Variants in RIPOR2 observed in about 807,000 individuals in gnomAD.
The protein encoded by RIPOR2 is RHO family interacting cell polarization regulator 2.
In RIPOR2, 39 loss-of-function variants were observed where a neutral mutation model predicts 114.5. That is an observed-to-expected ratio of 0.34 (90% CI 0.26 to 0.44). The LOEUF is 0.44. Ranked by LOEUF, RIPOR2 falls within the 20% of genes least tolerant of loss-of-function variation. The pLI, the probability that RIPOR2 is intolerant of heterozygous loss-of-function variation, is 1.00. For missense variants in RIPOR2, 1,007 were observed against 1,255.1 expected, an observed-to-expected ratio of 0.80 and a Z score of 2.99; for synonymous variants, 445 against 484.4, an observed-to-expected ratio of 0.92 and a Z score of 1.07.
At chr6:24,948,915 A>G (rs1211448592) in intron 1 of RIPOR2, among the ~76,000 whole-genome samples, 2 of 152,156 alleles carry the variant, frequency 1.3e-5, no homozygotes, top group Non-Finnish European at 2.9e-5. Flanking sequence ...CAATGGGTCA[A>G]GCTTCTGAGG....
intron 1 of RIPOR2, among the ~76,000 whole-genome samples, chr6:24,926,788 A>G (rs940537782): frequency 7.9e-5 from 12 of 152,080 alleles, no homozygotes; most frequent in Non-Finnish European, 1.3e-4. Flanking sequence ...ATCATACATT[A>G]TCTCCCTTTA....
intron 16 of RIPOR2, 135 bp downstream of exon 16, chr6:24,832,121 G>C (rs1299482531): frequency 2.3e-6 from 2 of 861,848 alleles, no homozygotes; most frequent in Non-Finnish European, 3.4e-6. Flanking sequence ...CAATTTGTTT[G>C]GAGACCTTTC....
intron 1 of RIPOR2, among the ~76,000 whole-genome samples, chr6:24,943,397 C>T (rs1051815424): frequency 6.6e-5 from 10 of 152,140 alleles, no homozygotes; most frequent in African/African-American, 1.4e-4. Flanking sequence ...TGTTAAATGA[C>T]GAGTTATTGG....
At chr6:24,968,362 G>GA (rs1420769493) in intron 1 of RIPOR2, among the ~76,000 whole-genome samples, 1 of 152,128 alleles carries the variant, frequency 6.6e-6, no homozygotes, top group Non-Finnish European at 1.5e-5. Context: ...TCCACTTCTG[G>GA]AAGCACCTTT....
At chr6:25,029,571 G>A (rs184394495) in intron 1 of RIPOR2, among the ~76,000 whole-genome samples, 17 of 152,154 alleles carry the variant, frequency 1.1e-4, no homozygotes, top group Admixed American at 9.8e-4. Flanking sequence ...GCAGGGGCAA[G>A]ACCAGGAAGC....
intron 1 of RIPOR2, among the ~76,000 whole-genome samples, chr6:24,922,122 C>G (rs547738821): frequency 1.3e-5 from 2 of 152,010 alleles, no homozygotes; most frequent in South Asian, 2.1e-4. Flanking sequence ...TGAGCCACCA[C>G]GCCTGGCTGA....
intron 1 of RIPOR2, chr6:24,877,328 A>T: frequency 1.0e-6 from 1 of 985,304 alleles, no homozygotes; most frequent in Non-Finnish European, 1.2e-6. Context: ...AGGAGAGAGC[A>T]GCCCTGGAGT....
intron 1 of RIPOR2, among the ~76,000 whole-genome samples, chr6:24,985,164 A>G (rs1403715140): frequency 6.6e-6 from 1 of 152,228 alleles, no homozygotes; most frequent in African/African-American, 2.4e-5. Flanking sequence ...AGAACTGATC[A>G]ACAACCATGA....
chr6:24,935,380 C>T (rs112682348), intron 1 of RIPOR2, among the ~76,000 whole-genome samples: 1 of 116,490 alleles, frequency 8.6e-6, no homozygotes, highest in South Asian at 2.9e-4. Flanking sequence ...GAGAGAGAGA[C>T]AGAGAGAGAG....
chr6:24,997,234 G>T (rs9295642), intron 1 of RIPOR2, among the ~76,000 whole-genome samples: 4 of 152,008 alleles, frequency 2.6e-5, no homozygotes, highest in Admixed American at 2.6e-4. Context: ...CTAATATACA[G>T]TTAAGCCTGA....
chr6:25,018,952 T>C (rs1776158965), intron 1 of RIPOR2, among the ~76,000 whole-genome samples: 1 of 152,214 alleles, frequency 6.6e-6, no homozygotes, highest in African/African-American at 2.4e-5. Context: ...TGGTATAAGT[T>C]TTATTGTTAC....
At chr6:24,832,189 T>C (rs1760741423) in intron 16 of RIPOR2, 67 bp downstream of exon 16, 1 of 1,433,492 alleles carries the variant, frequency 7.0e-7, no homozygotes, top group South Asian at 1.2e-5. Context: ...TGAACATGCA[T>C]AGGGAGTGGA....
intron 1 of RIPOR2, among the ~76,000 whole-genome samples, chr6:24,950,851 C>A (rs1405793358): frequency 6.6e-6 from 1 of 152,184 alleles, no homozygotes; most frequent in Admixed American, 6.5e-5. Context: ...TTTCTCAAAT[C>A]TTTTATTTTC....
intron 16 of RIPOR2, 79 bp downstream of exon 16, chr6:24,832,177 A>G: frequency 7.5e-7 from 1 of 1,331,302 alleles, no homozygotes; most frequent in Non-Finnish European, 1.0e-6. Context: ...CCAACAAAGC[A>G]ATGAACATGC....
chr6:24,858,670 C>G lies in RIPOR2; in HGVS notation c.715+2303G>C, dbSNP rs1017065020. 6.6e-6 allele frequency among the ~76,000 whole-genome samples: 1 copy of G among 152,092 alleles called. No homozygotes were observed. Among genetic ancestry groups the G allele is most frequent in the African/African-American group, 2.4e-5 (1 of 41,404 alleles). ...CTATCAATGAGGAAGGAGATTTAGT[C>G]TCAGGCCTGAGAAACCCCATGGAAG... On this transcript the variant is annotated intron_variant, in intron 8 of 21. Transcript: ENST00000643898. The surrounding 1 kb of genome is among the most constrained non-coding windows in gnomAD (Gnocchi z 4.0).
At chr6:25,019,498 G>A (rs910580764) in intron 1 of RIPOR2, among the ~76,000 whole-genome samples, 1 of 151,990 alleles carries the variant, frequency 6.6e-6, no homozygotes, top group South Asian at 2.1e-4. Context: ...GGCGGGGCGC[G>A]GTGGCTCACG....
intron 1 of RIPOR2, among the ~76,000 whole-genome samples, chr6:24,991,578 T>C (rs1774817602): frequency 6.6e-6 from 1 of 152,164 alleles, no homozygotes; most frequent in Non-Finnish European, 1.5e-5. Context: ...ACGCCATCCA[T>C]GAAATCCCAC....
rs1342103822 is a variant in RIPOR2, at chr6:24,976,346, G to A, written c.76+65505C>T. 4.0e-6 allele frequency: 4 copies of A among 992,764 alleles called. No individual in the cohort carries two copies. In the African/African-American group the frequency reaches 5.0e-5, roughly 12 times the overall value. The allele number at this position is 992,764 out of a possible 1,614,324, so 61.5% of individuals were successfully genotyped here. On this transcript the variant is annotated intron_variant, in intron 1 of 13. Transcript: ENST00000510784. Reference sequence around the variant, plus strand: ...TTTTAAAAATGACTAAATTATTCTAGAAAATATGATATTAAGAAACGAGAA... The same window carrying A: ...TTTTAAAAATGACTAAATTATTCTAAAAAATATGATATTAAGAAACGAGAA...
intron 1 of RIPOR2, among the ~76,000 whole-genome samples, chr6:24,912,929 C>A (rs1176450550): frequency 2.0e-5 from 3 of 152,136 alleles, no homozygotes; most frequent in Non-Finnish European, 2.9e-5. Flanking sequence ...CATCTCTTTC[C>A]CATAGCTGCC....
Sources: allele counts gnomAD v4.1 joint callset (sites outside exome capture counted in the v4.1 genomes callset), GRCh38; gene constraint gnomAD v4.1.1; non-coding constraint Gnocchi (gnomAD v3.1); transcripts MANE v1.5; gene names NCBI Gene and HGNC (gene_info 2026-07-23, HGNC 2026-07-21).